The following DIS3L2 variants were observed in gnomAD, a reference collection of about 807,000 sequenced individuals.
DIS3L2 encodes the protein DIS3-like exonuclease 2.
In DIS3L2, 34 loss-of-function variants were observed where a neutral mutation model predicts 97.5. The observed-to-expected ratio is 0.35, with a 90% CI of 0.27 to 0.46. The LOEUF is 0.46. DIS3L2 is among the 20% of genes least tolerant of loss of function. The probability of loss-of-function intolerance (pLI) is 1.00; values close to 1 mark genes in which losing one functional copy is unlikely to be tolerated. For missense variants in DIS3L2, 1,038 were observed against 1,146.0 expected, an observed-to-expected ratio of 0.91 and a Z score of 1.36; for synonymous variants, 435 against 445.2, an observed-to-expected ratio of 0.98 and a Z score of 0.29.
chr2:232,242,170 G>A (rs2106256712), intron 11 of DIS3L2, among the ~76,000 whole-genome samples: 1 of 152,346 alleles, frequency 6.6e-6, no homozygotes, highest in East Asian at 1.9e-4. Context: ...TTTAAACAGA[G>A]ATGTTGGCTG....
intron 14 of DIS3L2, among the ~76,000 whole-genome samples, chr2:232,310,171 G>C (rs1372103425): frequency 6.6e-6 from 1 of 152,214 alleles, no homozygotes; most frequent in Non-Finnish European, 1.5e-5. Flanking sequence ...TGCCAGGTTA[G>C]CTTGAAGAAG....
At chr2:231,965,478 T>A (rs1363663087) in intron 1 of DIS3L2, among the ~76,000 whole-genome samples, 6 of 151,672 alleles carry the variant, frequency 4.0e-5, no homozygotes, top group Admixed American at 3.9e-4. Context: ...TAATGTTTAA[T>A]AAGGGGACTC....
At chr2:232,313,933 A>C (rs536616756) in intron 14 of DIS3L2, among the ~76,000 whole-genome samples, 15 of 152,360 alleles carry the variant, frequency 9.8e-5, no homozygotes, top group Non-Finnish European at 1.8e-4. Context: ...TATCATGAGA[A>C]CAGCATGAGA....
At chr2:232,280,021 G>A (rs560682802) in intron 13 of DIS3L2, among the ~76,000 whole-genome samples, 1 of 152,224 alleles carries the variant, frequency 6.6e-6, no homozygotes, top group East Asian at 1.9e-4. Flanking sequence ...CTATTTTATG[G>A]ATTGTGCTTT....
At chr2:232,004,317 C>T (rs888014765) in intron 1 of DIS3L2, among the ~76,000 whole-genome samples, 3 of 152,184 alleles carry the variant, frequency 2.0e-5, no homozygotes, top group Admixed American at 6.5e-5. Flanking sequence ...CGGTCATCGA[C>T]CCGCCTTGAC....
At chr2:232,247,616 C>CGGGG in intron 11 of DIS3L2, among the ~76,000 whole-genome samples, 1 of 6,518 alleles carries the variant, frequency 1.5e-4, no homozygotes, top group Admixed American at 1.2e-3. Context: ...ATAACTGCCG[C>CGGGG]GGGGGGGGGG....
At chr2:232,195,200 A>T (rs957625575) in intron 9 of DIS3L2, among the ~76,000 whole-genome samples, 2 of 152,212 alleles carry the variant, frequency 1.3e-5, no homozygotes, top group Non-Finnish European at 2.9e-5. Flanking sequence ...CAATTTAATA[A>T]TAGAATCCCC....
At chr2:232,146,057 G>A (rs996528847) in intron 8 of DIS3L2, among the ~76,000 whole-genome samples, 70 of 152,146 alleles carry the variant, frequency 4.6e-4, no homozygotes, top group African/African-American at 1.6e-3. Context: ...TCCTGGCCTT[G>A]CTGCTATATT....
chr2:232,182,061 C>G (rs748375031), intron 9 of DIS3L2, among the ~76,000 whole-genome samples: 138 of 152,288 alleles, frequency 9.1e-4, no homozygotes, highest in Admixed American at 1.4e-3. Flanking sequence ...TTTATAAAGG[C>G]ATTTACAGCT....
At chr2:232,259,703 A>G (rs533643983) in intron 12 of DIS3L2, 10 of 152,308 alleles carry the variant, frequency 6.6e-5, no homozygotes, top group East Asian at 3.9e-4. Flanking sequence ...GCTGCAACCA[A>G]CACCTCCCAG....
chr2:232,312,193 G>C (rs1203849647), intron 14 of DIS3L2, among the ~76,000 whole-genome samples: 1 of 152,048 alleles, frequency 6.6e-6, no homozygotes, highest in Non-Finnish European at 1.5e-5. Context: ...TAATTTTAAT[G>C]GAGTTCAGTA....
intron 10 of DIS3L2, among the ~76,000 whole-genome samples, chr2:232,235,968 C>T (rs1574963467): frequency 6.6e-6 from 1 of 152,344 alleles, no homozygotes; most frequent in Middle Eastern, 3.4e-3. Flanking sequence ...GCTTTCCAGA[C>T]AGCCCTCTCC....
chr2:232,045,613 T>G (rs1056863001), intron 5 of DIS3L2, among the ~76,000 whole-genome samples: 1 of 149,516 alleles, frequency 6.7e-6, no homozygotes, highest in Non-Finnish European at 1.5e-5. Context: ...TATAAGGGCC[T>G]AAATCCCATT....
chr2:232,242,725 A>T (rs1693134550), intron 11 of DIS3L2, among the ~76,000 whole-genome samples: 1 of 152,130 alleles, frequency 6.6e-6, no homozygotes, highest in African/African-American at 2.4e-5. Context: ...CTACTCTCTC[A>T]AGACCTGGTC....
At chr2:232,315,976 CA>C (rs2106334697) in intron 14 of DIS3L2, among the ~76,000 whole-genome samples, 1 of 152,286 alleles carries the variant, frequency 6.6e-6, no homozygotes, top group African/African-American at 2.4e-5. Flanking sequence ...CCCGGGTTAC[CA>C]GTAGGGGGTA....
chr2:232,089,503 G>A (rs1696775407), intron 6 of DIS3L2, among the ~76,000 whole-genome samples: 2 of 152,132 alleles, frequency 1.3e-5, no homozygotes, highest in South Asian at 4.1e-4. Context: ...AATCACATCA[G>A]TACTATGAGT....
At chr2:232,031,836 CT>C (rs1694812882) in intron 5 of DIS3L2, among the ~76,000 whole-genome samples, 1 of 152,100 alleles carries the variant, frequency 6.6e-6, no homozygotes, top group Non-Finnish European at 1.5e-5. Context: ...TAAACTCATT[CT>C]TTTTTATGGC....
At chr2:231,987,126 C>T (rs1186677883) in intron 1 of DIS3L2, among the ~76,000 whole-genome samples, 3 of 152,104 alleles carry the variant, frequency 2.0e-5, no homozygotes, top group Non-Finnish European at 1.5e-5. Flanking sequence ...GTGTTTCAGG[C>T]CAGATAAGGA....
chr2:232,147,726 T>A (rs1690257724), intron 8 of DIS3L2, among the ~76,000 whole-genome samples: 1 of 152,170 alleles, frequency 6.6e-6, no homozygotes, highest in Admixed American at 6.5e-5. Flanking sequence ...AAAGGGAAAG[T>A]TACTTTCATG....
Sources: gnomAD v4.1 joint callset for allele counts (sites outside exome capture counted in the v4.1 genomes callset) on GRCh38, gnomAD v4.1.1 for gene constraint, MANE v1.5 for transcripts, NCBI Gene and HGNC (gene_info 2026-07-23, HGNC 2026-07-21) for gene names.